The following MARCHF7 variants were observed in gnomAD, a reference collection of about 807,000 sequenced individuals.
The protein encoded by MARCHF7 is membrane associated ring-CH-type finger 7.
A neutral mutation model predicts 76.5 loss-of-function variants in MARCHF7; 20 were observed. The observed-to-expected ratio is 0.26, with a 90% CI of 0.18 to 0.38. The LOEUF is 0.38. Ranked by LOEUF, MARCHF7 falls within the 10% of genes least tolerant of loss-of-function variation. MARCHF7 has a pLI of 1.00. For missense variants in MARCHF7, 797 were observed against 812.9 expected, an observed-to-expected ratio of 0.98 and a Z score of 0.24; for synonymous variants, 295 against 293.0, an observed-to-expected ratio of 1.01 and a Z score of -0.07.
chr2:159,748,195 A>G lies in MARCHF7; in HGVS notation c.905A>G (p.Asp302Gly), dbSNP rs1383749646. Residue 302 changes from aspartate to glycine, a missense_variant, in exon 7 of 12, where the codon GAT (aspartate) becomes GGT (glycine). This residue lies in a region of MARCHF7 where 643 missense variants were observed against 631.5 expected (regional missense o/e 1.02). Transcript: ENST00000409175. ...STFFSRRSSQ[D>G]SLNTRSLNSE... ...TTTTTTTCACGAAGATCTAGTCAGG[A>G]TTCCTTGAATACAAGATCATTGAAT... 6 of 1,613,726 alleles carry G rather than the reference A, an allele frequency of 3.7e-6. No homozygotes were observed. The highest frequency in any genetic ancestry group is 4.2e-6 in the Non-Finnish European group (5 of 1,179,934).
chr2:159,757,824 G>A (rs1310877055), intron 8 of MARCHF7, among the ~76,000 whole-genome samples: 2 of 152,130 alleles, frequency 1.3e-5, no homozygotes, highest in East Asian at 1.9e-4. Flanking sequence ...CCAAAAAGAC[G>A]CTTGGTTTCA....
intron 8 of MARCHF7, among the ~76,000 whole-genome samples, chr2:159,758,981 AAAC>A (rs1184474398): frequency 2.6e-5 from 4 of 152,200 alleles, no homozygotes; most frequent in Non-Finnish European, 5.9e-5. Flanking sequence ...GGGAGGAAGA[AAAC>A]AACCAAGGTA....
At chr2:159,753,563 A>T (rs1705928681) in intron 8 of MARCHF7, among the ~76,000 whole-genome samples, 1 of 149,268 alleles carries the variant, frequency 6.7e-6, no homozygotes, top group South Asian at 2.1e-4. Flanking sequence ...AAAAAAAAAA[A>T]GTTGAGATGA....
chr2:159,739,279 G>A (rs1703844598), intron 4 of MARCHF7, among the ~76,000 whole-genome samples: 1 of 152,238 alleles, frequency 6.6e-6, no homozygotes, highest in African/African-American at 2.4e-5. Context: ...CGCCTCCCCT[G>A]CTGCAGCCGG....
Position 159,748,010 on chromosome 2 carries a change from T to G in MARCHF7, c.720T>G (p.Pro240=). Reference sequence around the variant, plus strand: ...AATCTTCCCGAAGCAATACGCAGCCTGGATTTTCTTACAGTTCAAGTAGAG... The same window carrying G: ...AATCTTCCCGAAGCAATACGCAGCCGGGATTTTCTTACAGTTCAAGTAGAG... ...ESESSRSNTQ[P]GFSYSSSRDE... is the part of the protein sequence containing the mutation. Residue 240 remains proline, a synonymous_variant, in exon 7 of 12, where the codon CCT becomes CCG. Transcript: ENST00000409175. 5 of 1,614,190 alleles carry G rather than the reference T, an allele frequency of 3.1e-6. No homozygotes were observed. Among genetic ancestry groups the G allele is most frequent in the Non-Finnish European group, 4.2e-6 (5 of 1,180,026 alleles).
intron 4 of MARCHF7, chr2:159,734,217 GTTTGT>G: frequency 1.3e-6 from 1 of 771,910 alleles, no homozygotes; most frequent in Non-Finnish European, 1.7e-6. Flanking sequence ...TCTGTTTAGT[GTTTGT>G]TCTGTTTTGC....
chr2:159,749,103 C>T (rs1705285023), intron 7 of MARCHF7, among the ~76,000 whole-genome samples, 200 bp downstream of exon 7: 1 of 151,320 alleles, frequency 6.6e-6, no homozygotes, highest in African/African-American at 2.4e-5. Flanking sequence ...TTCAGCCTCC[C>T]GAGTAGCTGG....
At chr2:159,746,024 TAA>T in intron 6 of MARCHF7, 87 bp downstream of exon 6, 1 of 1,021,904 alleles carries the variant, frequency 9.8e-7, no homozygotes, top group Non-Finnish European at 1.4e-6. Flanking sequence ...TACAAAGGAG[TAA>T]AGTGTATATT....
chr2:159,768,442 T>C lies in MARCHF7; in HGVS notation c.*1100T>C, dbSNP rs977988139. On this transcript the variant is annotated 3_prime_UTR_variant, in exon 12 of 12. Coordinates refer to ENST00000409175, the MANE Select transcript of MARCHF7 (RefSeq NM_001282805.2). Reference sequence around the variant, plus strand: ...TAAAACACCTTAAGGTCTGATGTTATGGCAACAAACTACTTTTTCAAACCT... The same window carrying C: ...TAAAACACCTTAAGGTCTGATGTTACGGCAACAAACTACTTTTTCAAACCT... 1 of 152,644 alleles carries C rather than the reference T, an allele frequency of 6.6e-6. No individual in the cohort carries two copies. Among genetic ancestry groups the C allele is most frequent in the Non-Finnish European group, 1.5e-5 (1 of 68,012 alleles). 9.5% of individuals were successfully genotyped at this position (152,644 alleles called of 1,614,324 possible). A position where few individuals can be genotyped will look rare whatever the true frequency, so the allele number is the denominator to read the frequency against.
chr2:159,727,477 C>T (rs943558838), intron 3 of MARCHF7, among the ~76,000 whole-genome samples: 1 of 152,088 alleles, frequency 6.6e-6, no homozygotes, highest in African/African-American at 2.4e-5. Flanking sequence ...AGTCCCAGCT[C>T]CTTGGGAGGC....
At chr2:159,714,280 A>G (rs1456641398) in intron 1 of MARCHF7, among the ~76,000 whole-genome samples, 1 of 152,220 alleles carries the variant, frequency 6.6e-6, no homozygotes, top group Admixed American at 6.5e-5. Flanking sequence ...AATTTGTTGT[A>G]GTCAAATTAC....
intron 4 of MARCHF7, among the ~76,000 whole-genome samples, chr2:159,736,738 A>G (rs1384734714): frequency 1.3e-5 from 2 of 152,190 alleles, no homozygotes; most frequent in Admixed American, 6.5e-5. Flanking sequence ...ACTATTATGA[A>G]GGTAAAAAGA....
chr2:159,742,977 G>C, intron 4 of MARCHF7, 84 bp from the exon 5 acceptor site: 1 of 1,200,344 alleles, frequency 8.3e-7, no homozygotes, highest in Non-Finnish European at 1.2e-6. Flanking sequence ...ATTGATGCTT[G>C]TGGGAATTTA....
intron 3 of MARCHF7, among the ~76,000 whole-genome samples, chr2:159,724,468 C>G (rs1701951949): frequency 6.6e-6 from 1 of 152,106 alleles, no homozygotes; most frequent in African/African-American, 2.4e-5. Context: ...TTTCTGTAAC[C>G]ACAGTCAAAT....
chr2:159,771,016 T>A lies in MARCHF7; in HGVS notation c.*3674T>A, dbSNP rs902465537. On this transcript the variant is annotated 3_prime_UTR_variant, in exon 12 of 12. Transcript: ENST00000409175. ...TGTACAATAAATGCACTGAAAACTT[T>A]GATCACTGTCACTACAGTTGTACTT... is the stretch of plus-strand genomic sequence containing the variant. 2.6e-5 allele frequency: 4 copies of A among 152,218 alleles called. No individual in the cohort carries two copies. Among genetic ancestry groups the A allele is most frequent in the African/African-American group, 9.6e-5 (4 of 41,460 alleles). 9.4% of individuals were successfully genotyped at this position (152,218 alleles called of 1,614,324 possible).
chr2:159,743,116 C>G lies in MARCHF7; in HGVS notation c.209C>G (p.Ser70Cys). The G allele has an allele frequency of 6.2e-7, 1 of 1,614,200 alleles. No homozygotes were observed. Among genetic ancestry groups the G allele is most frequent in the Non-Finnish European group, 8.5e-7 (1 of 1,180,030 alleles). Residue 70 changes from serine to cysteine, a missense_variant, in exon 5 of 12, where the codon TCT (serine) becomes TGT (cysteine). Coordinates refer to ENST00000409175, the MANE Select transcript of MARCHF7 (RefSeq NM_001282805.2). ...SPFQSAWYSE[S>C]EITQGARSRS... ...TTTCAATCTGCATGGTATAGTGAAT[C>G]TGAGATAACTCAGGGAGCACGCTCA...
chr2:159,732,946 G>T, intron 4 of MARCHF7: 2 of 981,470 alleles, frequency 2.0e-6, no homozygotes, highest in African/African-American at 1.7e-5. Context: ...CATCTTAATT[G>T]TTAAGATTAA....
chr2:159,742,224 A>T (rs1023525167), intron 4 of MARCHF7, among the ~76,000 whole-genome samples: 4 of 152,084 alleles, frequency 2.6e-5, no homozygotes, highest in Non-Finnish European at 5.9e-5. Flanking sequence ...TGATTCACTG[A>T]TGAAGAAATT....
At chr2:159,745,483 C>T (rs1199055973) in intron 5 of MARCHF7, among the ~76,000 whole-genome samples, 1 of 152,020 alleles carries the variant, frequency 6.6e-6, no homozygotes. Flanking sequence ...GGTGAAACCC[C>T]ATCTTCACTA....
Sources: allele counts gnomAD v4.1 joint callset (sites outside exome capture counted in the v4.1 genomes callset), GRCh38; gene constraint gnomAD v4.1.1; regional missense constraint gnomAD v4.1.1; transcripts MANE v1.5; gene names NCBI Gene and HGNC (gene_info 2026-07-23, HGNC 2026-07-21).